Variants in MECOM observed in about 807,000 individuals in gnomAD.
The protein encoded by MECOM is MDS1 and EVI1 complex locus, also known as histone-lysine N-methyltransferase MECOM.
In MECOM, 13 loss-of-function variants were observed where a neutral mutation model predicts 116.3. The observed-to-expected ratio is 0.11, with a 90% CI of 0.07 to 0.18. MECOM has a LOEUF of 0.18. Among genes scored for constraint, MECOM ranks in the 10% least tolerant of loss-of-function variants. The pLI, the probability that MECOM is intolerant of heterozygous loss-of-function variation, is 1.00. For missense variants in MECOM, 1,299 were observed against 1,509.0 expected (o/e 0.86, Z 2.31); for synonymous variants, 528 against 535.2 (o/e 0.99, Z 0.19).
intron 14 of MECOM, among the ~76,000 whole-genome samples, chr3:169,090,646 T>G (rs1479786034): frequency 6.6e-6 from 1 of 151,944 alleles, no homozygotes; most frequent in African/African-American, 2.4e-5. Context: ...ATATCACTCA[T>G]GGGCCGTAGC....
chr3:169,346,900 A>G (rs147932108), intron 2 of MECOM, among the ~76,000 whole-genome samples: 1 of 152,180 alleles, frequency 6.6e-6, no homozygotes, highest in Non-Finnish European at 1.5e-5. Context: ...TGCTCCATGT[A>G]CAGTTATTGA....
chr3:169,261,650 G>A (rs150056973), intron 2 of MECOM, among the ~76,000 whole-genome samples: 3 of 152,110 alleles, frequency 2.0e-5, no homozygotes, highest in Non-Finnish European at 4.4e-5. Flanking sequence ...GCAGTGAGCC[G>A]ATATCGTGCC....
intron 2 of MECOM, among the ~76,000 whole-genome samples, chr3:169,258,814 G>A (rs1757184036): frequency 6.6e-6 from 1 of 152,182 alleles, no homozygotes; most frequent in Non-Finnish European, 1.5e-5. Context: ...AAGTCACTTG[G>A]AGGTATTTAA....
At chr3:169,130,561 G>A (rs899263905) in intron 4 of MECOM, among the ~76,000 whole-genome samples, 2 of 136,566 alleles carry the variant, frequency 1.5e-5, no homozygotes, top group African/African-American at 5.5e-5. Context: ...TTCAAGTAAA[G>A]AGAACCCGCC....
At position 169,127,820 on chromosome 3, in the gene MECOM, A is replaced by G. The variant is rs772366382; in HGVS notation, c.830+24T>C. 5.1e-5 allele frequency: 81 copies of G among 1,593,682 alleles called. 2 individuals carry two copies. The South Asian group carries it at 8.7e-4, about 17-fold the overall frequency. ...ATTGCAGAAAAAATACACAAGTTGT[A>G]TGGTACAACATGCCATTTCTAACCT... is the stretch of plus-strand genomic sequence containing the variant. On this transcript the variant is annotated intron_variant, in intron 5 of 16. Transcript: ENST00000651503.
intron 1 of MECOM, among the ~76,000 whole-genome samples, chr3:169,626,276 G>A (rs899799794): frequency 6.6e-6 from 1 of 152,156 alleles, no homozygotes; most frequent in Non-Finnish European, 1.5e-5. Context: ...GTATATTAGA[G>A]GAATTCTCAC....
chr3:169,518,557 C>T (rs2109069792), intron 1 of MECOM, among the ~76,000 whole-genome samples: 1 of 152,196 alleles, frequency 6.6e-6, no homozygotes, highest in African/African-American at 2.4e-5. Context: ...ATATATAAAA[C>T]TATATGTACT....
At chr3:169,456,982 G>A (rs2108709004) in intron 1 of MECOM, among the ~76,000 whole-genome samples, 1 of 152,288 alleles carries the variant, frequency 6.6e-6, no homozygotes, top group African/African-American at 2.4e-5. Flanking sequence ...GTGGCAGGAT[G>A]TATAAGAGGA....
intron 2 of MECOM, among the ~76,000 whole-genome samples, chr3:169,328,906 G>A (rs923651779): frequency 6.6e-6 from 1 of 152,064 alleles, no homozygotes; most frequent in Non-Finnish European, 1.5e-5. Flanking sequence ...TATAAAACAC[G>A]AGACTTGAGG....
chr3:169,236,082 G>A (rs897586114), intron 2 of MECOM, among the ~76,000 whole-genome samples: 1 of 152,156 alleles, frequency 6.6e-6, no homozygotes, highest in Admixed American at 6.5e-5. Flanking sequence ...GGGCACTGAT[G>A]GTCTATAGTG....
intron 1 of MECOM, among the ~76,000 whole-genome samples, chr3:169,469,892 A>G (rs1748918520): frequency 6.6e-6 from 1 of 152,210 alleles, no homozygotes; most frequent in Non-Finnish European, 1.5e-5. Flanking sequence ...AGTCACTTAA[A>G]GCAAAAAATG....
intron 1 of MECOM, among the ~76,000 whole-genome samples, chr3:169,434,836 C>T (rs1057485897): frequency 6.6e-6 from 1 of 152,166 alleles, no homozygotes; most frequent in African/African-American, 2.4e-5. Flanking sequence ...AATCTCCAGT[C>T]TGTTTCATCA....
At chr3:169,641,636 G>T (rs931615250) in intron 1 of MECOM, among the ~76,000 whole-genome samples, 10 of 152,164 alleles carry the variant, frequency 6.6e-5, no homozygotes, top group African/African-American at 2.2e-4. Context: ...CCATTTTTTA[G>T]TTAACAAAGC....
chr3:169,152,198 G>T (rs934997483), intron 2 of MECOM, among the ~76,000 whole-genome samples: 7 of 152,064 alleles, frequency 4.6e-5, no homozygotes, highest in African/African-American at 1.7e-4. Context: ...ACTGAAGAGA[G>T]ATTACTGGTG....
chr3:169,484,686 T>A (rs1751884731), intron 1 of MECOM, among the ~76,000 whole-genome samples: 1 of 152,198 alleles, frequency 6.6e-6, no homozygotes, highest in African/African-American at 2.4e-5. Flanking sequence ...AAATAATAAT[T>A]AAATATTAAC....
At chr3:169,503,173 T>A (rs535202961) in intron 1 of MECOM, among the ~76,000 whole-genome samples, 2 of 152,292 alleles carry the variant, frequency 1.3e-5, no homozygotes, top group South Asian at 4.1e-4. Flanking sequence ...CAAGTTCACA[T>A]AACCAAAAAA....
intron 1 of MECOM, among the ~76,000 whole-genome samples, chr3:169,629,045 C>T (rs1771744442): frequency 6.6e-6 from 1 of 151,646 alleles, no homozygotes; most frequent in African/African-American, 2.4e-5. Context: ...GAACTCAAAG[C>T]ACTTAATCAA....
chr3:169,146,402 A>T, intron 2 of MECOM: 2 of 1,393,982 alleles, frequency 1.4e-6, no homozygotes, highest in Non-Finnish European at 1.9e-6. Flanking sequence ...ACCGACGGAC[A>T]GAGACACACG....
At chr3:169,152,827 C>T (rs1277227396) in intron 2 of MECOM, among the ~76,000 whole-genome samples, 3 of 152,072 alleles carry the variant, frequency 2.0e-5, no homozygotes, top group Non-Finnish European at 4.4e-5. Flanking sequence ...TCCAAAATGC[C>T]AAAGATTTTA....
Sources: gnomAD v4.1 joint callset for allele counts (sites outside exome capture counted in the v4.1 genomes callset) on GRCh38, gnomAD v4.1.1 for gene constraint, MANE v1.5 for transcripts, NCBI Gene and HGNC (gene_info 2026-07-23, HGNC 2026-07-21) for gene names.